The following TYW1B variants were observed in gnomAD, a reference collection of about 807,000 sequenced individuals.
The protein encoded by TYW1B is S-adenosyl-L-methionine-dependent tRNA 4-demethylwyosine synthase TYW1B.
A neutral mutation model predicts 86.9 loss-of-function variants in TYW1B; 73 were observed. That is an observed-to-expected ratio of 0.84 (90% CI 0.70 to 1.02). TYW1B has a LOEUF of 1.02. Among genes scored for constraint, TYW1B ranks in the 50% least tolerant of loss-of-function variants. The pLI, the probability that TYW1B is intolerant of heterozygous loss-of-function variation, is 0.00. For synonymous variants in TYW1B, 248 were observed against 292.8 expected, an observed-to-expected ratio of 0.85 and a Z score of 1.56; for missense variants, 637 against 827.4, an observed-to-expected ratio of 0.77 and a Z score of 2.82.
At chr7:72,650,069 G>T (rs1463423622) in intron 11 of TYW1B, among the ~76,000 whole-genome samples, 29 of 131,548 alleles carry the variant, frequency 2.2e-4, no homozygotes, top group African/African-American at 3.9e-4. Context: ...TTTTTTGTTG[G>T]TTTTTTTTTT....
At position 72,635,943 on chromosome 7, in the gene TYW1B, T is replaced by C. The variant is rs552444042; in HGVS notation, c.1507-6946A>G. 2.2e-3 allele frequency among the ~76,000 whole-genome samples: 328 copies of C among 152,366 alleles called. 1 individual carries two copies. Among genetic ancestry groups the C allele is most frequent in the African/African-American group, 7.7e-3 (320 of 41,598 alleles). On this transcript the variant is annotated intron_variant, in intron 11 of 13. Coordinates refer to ENST00000620995, the MANE Select transcript of TYW1B (RefSeq NM_001145440.3). ...ATCAAGTGTAGTCTTTGAATTCCAA[T>C]GCGCAGCACGGCTCAATTCAGGGTA...
At chr7:72,815,736 G>T (rs1460016572) in intron 2 of TYW1B, among the ~76,000 whole-genome samples, 2 of 152,076 alleles carry the variant, frequency 1.3e-5, no homozygotes, top group Admixed American at 6.6e-5. Context: ...AATCTGCCTT[G>T]CCCTACTAGA....
At chr7:72,604,093 T>A (rs1358767539) in intron 13 of TYW1B, among the ~76,000 whole-genome samples, 1 of 152,156 alleles carries the variant, frequency 6.6e-6, no homozygotes, top group African/African-American at 2.4e-5. Flanking sequence ...CTAGGGTATA[T>A]GGGAACTCTC....
At chr7:72,716,631 C>CTGTTGTTGTTGTTGTTGTTGTTGTTGT (rs138304885) in intron 9 of TYW1B, among the ~76,000 whole-genome samples, 7 of 149,140 alleles carry the variant, frequency 4.7e-5, no homozygotes, top group South Asian at 2.1e-4. Flanking sequence ...GGGGCTGTGG[C>CTGTTGTTGTTGTTGTTGTTGTTGTTGT]TGTTGTTGTT....
At chr7:72,767,621 A>T (rs1273234833) in intron 7 of TYW1B, among the ~76,000 whole-genome samples, 5 of 151,916 alleles carry the variant, frequency 3.3e-5, no homozygotes, top group Non-Finnish European at 5.9e-5. Flanking sequence ...AAAAAATAAT[A>T]AAAAAATAAA....
intron 6 of TYW1B, among the ~76,000 whole-genome samples, chr7:72,799,414 C>T (rs1223976370): frequency 2.6e-5 from 4 of 151,684 alleles, no homozygotes; most frequent in African/African-American, 7.3e-5. Context: ...GCACCCACCT[C>T]GGCCTCCCAA....
chr7:72,649,631 G>C lies in TYW1B; in HGVS notation c.1507-20634C>G, dbSNP rs565800504. On this transcript the variant is annotated intron_variant, in intron 11 of 13. Transcript: ENST00000620995. ...GAAATAATTGGACTCCATGTGTGCA[G>C]AAGACAGGGTATGAGAAGGATATTT... Among the ~76,000 whole-genome samples, 37 of 152,312 alleles carry C rather than the reference G, an allele frequency of 2.4e-4. No individual in the cohort carries two copies. In the South Asian group the frequency reaches 7.7e-3, roughly 32 times the overall value.
intron 11 of TYW1B, among the ~76,000 whole-genome samples, chr7:72,650,562 A>G (rs1454962809): frequency 6.6e-6 from 1 of 152,166 alleles, no homozygotes. Flanking sequence ...TAATGGACAC[A>G]TGGTCAAATA....
At chr7:72,649,122 A>G (rs1318430024) in intron 11 of TYW1B, among the ~76,000 whole-genome samples, 1 of 152,230 alleles carries the variant, frequency 6.6e-6, no homozygotes, top group African/African-American at 2.4e-5. Flanking sequence ...TGAGAAGCAG[A>G]ACGCAGAAAT....
At chr7:72,785,929 A>G (rs149081615) in intron 6 of TYW1B, among the ~76,000 whole-genome samples, 5,334 of 152,158 alleles carry the variant, frequency 0.035, 150 homozygotes, top group Middle Eastern at 0.065. Flanking sequence ...CCTGGCCAAC[A>G]TGGCGAGGCG....
At chr7:72,740,965 C>T (rs1172234144) in intron 8 of TYW1B, among the ~76,000 whole-genome samples, 2 of 151,962 alleles carry the variant, frequency 1.3e-5, no homozygotes, top group African/African-American at 4.8e-5. Context: ...CTCCTGATCT[C>T]GTGAGCTGCC....
intron 8 of TYW1B, among the ~76,000 whole-genome samples, chr7:72,737,417 G>T (rs1442076842): frequency 2.0e-5 from 3 of 152,132 alleles, no homozygotes; most frequent in African/African-American, 7.2e-5. Flanking sequence ...CTGGGTAAAT[G>T]TACTGCTCAA....
At chr7:72,746,578 CA>C (rs1787399179) in intron 7 of TYW1B, among the ~76,000 whole-genome samples, 1 of 152,178 alleles carries the variant, frequency 6.6e-6, no homozygotes, top group Non-Finnish European at 1.5e-5. Flanking sequence ...AATGCAATGG[CA>C]TGTGGATATA....
chr7:72,616,396 A>AT (rs1812072197), intron 13 of TYW1B, among the ~76,000 whole-genome samples: 1 of 152,282 alleles, frequency 6.6e-6, no homozygotes, highest in African/African-American at 2.4e-5. Flanking sequence ...TTACAAGGGC[A>AT]TTTTGCTTTT....
chr7:72,638,241 G>A (rs199803285), intron 11 of TYW1B, among the ~76,000 whole-genome samples: 1,653 of 148,298 alleles, frequency 0.011, 3 homozygotes, highest in African/African-American at 0.019. Flanking sequence ...GACCAGCACT[G>A]TGCAATAGAG....
rs138203306 is a variant in TYW1B, at chr7:72,728,336, C to T, written c.1192+486G>A. Among the ~76,000 whole-genome samples the T allele has an allele frequency of 6.9e-3, 1,044 of 152,202 alleles. 10 individuals carry two copies. Among genetic ancestry groups the T allele is most frequent in the African/African-American group, 0.024 (976 of 41,508 alleles). ...TTTATTTATTTCTGAGATGGAGTTTCGCTCTTTTTGCCCAGGTTGGAGTGG... is the reference window on the plus strand; with the variant it reads ...TTTATTTATTTCTGAGATGGAGTTTTGCTCTTTTTGCCCAGGTTGGAGTGG... On this transcript the variant is annotated intron_variant, in intron 9 of 13. Transcript: ENST00000620995.
intron 13 of TYW1B, 99 bp downstream of exon 13, chr7:72,616,573 A>G (rs1812076956): frequency 1.8e-5 from 28 of 1,578,804 alleles, no homozygotes; most frequent in Non-Finnish European, 2.4e-5. Context: ...AAGCACGCAG[A>G]TCATCCCTAT....
rs549058625 is a variant in TYW1B at position 72,608,682 on chromosome 7, C to A, written c.1785+7990G>T. On this transcript the variant is annotated intron_variant, in intron 13 of 13. Coordinates refer to ENST00000620995, the MANE Select transcript of TYW1B (RefSeq NM_001145440.3). ...TACACGCAGGTTGAAGGGCAAAGGA[C>A]AGAAAAACATATACCATGCAAACAC... Among the ~76,000 whole-genome samples the A allele has an allele frequency of 3.3e-5, 5 of 152,250 alleles. No homozygotes were observed. In the South Asian group the frequency reaches 1.0e-3, roughly 32 times the overall value.
At chr7:72,579,108 T>G (rs1811089641) in intron 13 of TYW1B, among the ~76,000 whole-genome samples, 2 of 152,116 alleles carry the variant, frequency 1.3e-5, no homozygotes, top group Admixed American at 1.3e-4. Context: ...CTCAATCTAG[T>G]ACACGCAAAT....
Sources: allele counts gnomAD v4.1 joint callset (sites outside exome capture counted in the v4.1 genomes callset), GRCh38; gene constraint gnomAD v4.1.1; transcripts MANE v1.5; gene names NCBI Gene and HGNC (gene_info 2026-07-23, HGNC 2026-07-21).